The following LRGUK variants were observed in gnomAD, a reference collection of about 807,000 sequenced individuals.
LRGUK encodes the protein leucine-rich repeat and guanylate kinase domain-containing protein.
Under a neutral mutation model 76.0 loss-of-function variants are expected in LRGUK, and 65 were observed. The observed-to-expected ratio is 0.85, with a 90% CI of 0.70 to 1.05. The LOEUF is 1.05. Among genes scored for constraint, LRGUK ranks in the 50% least tolerant of loss-of-function variants. The pLI, the probability that LRGUK is intolerant of heterozygous loss-of-function variation, is 0.00. For synonymous variants in LRGUK, 268 were observed against 265.6 expected, an observed-to-expected ratio of 1.01 and a Z score of -0.09; for missense variants, 758 against 732.8, an observed-to-expected ratio of 1.03 and a Z score of -0.40.
chr7:134,239,812 C>A (rs1045193196), intron 16 of LRGUK, among the ~76,000 whole-genome samples: 2 of 152,336 alleles, frequency 1.3e-5, no homozygotes, highest in South Asian at 4.1e-4. Flanking sequence ...TAGGGGCCAA[C>A]TGACACCTCA....
chr7:134,147,533 A>G (rs73724442), intron 4 of LRGUK, among the ~76,000 whole-genome samples: 2,279 of 152,298 alleles, frequency 0.015, 65 homozygotes, highest in African/African-American at 0.052. Flanking sequence ...AGATATGCAC[A>G]GAAATGAAGT....
chr7:134,245,715 C>T (rs1443603807), intron 16 of LRGUK, among the ~76,000 whole-genome samples: 1 of 152,052 alleles, frequency 6.6e-6, no homozygotes, highest in Non-Finnish European at 1.5e-5. Flanking sequence ...GGGCGGTATA[C>T]AATGAAATCA....
At chr7:134,162,614 G>T (rs1004141434) in intron 6 of LRGUK, among the ~76,000 whole-genome samples, 1 of 152,090 alleles carries the variant, frequency 6.6e-6, no homozygotes, top group Non-Finnish European at 1.5e-5. Flanking sequence ...ATCACTTGAG[G>T]TTAGGAGTTT....
chr7:134,157,401 T>C (rs753599255), intron 5 of LRGUK, among the ~76,000 whole-genome samples: 16 of 152,216 alleles, frequency 1.1e-4, no homozygotes, highest in Non-Finnish European at 2.2e-4. Context: ...GGAACACACA[T>C]GAGTTTCTCA....
downstream of LRGUK, among the ~76,000 whole-genome samples, chr7:134,267,258 T>A (rs562430697): frequency 5.9e-5 from 9 of 152,316 alleles, no homozygotes; most frequent in South Asian, 1.9e-3. Flanking sequence ...TGAAAACCTG[T>A]CCTTTGTAAC....
At chr7:134,155,577 A>T (rs1798418471) in intron 5 of LRGUK, among the ~76,000 whole-genome samples, 1 of 152,160 alleles carries the variant, frequency 6.6e-6, no homozygotes, top group Non-Finnish European at 1.5e-5. Flanking sequence ...TTCAGGCTTA[A>T]TCCCAGCCTT....
intron 15 of LRGUK, among the ~76,000 whole-genome samples, chr7:134,205,732 G>A (rs1196789163): frequency 6.6e-6 from 1 of 151,978 alleles, no homozygotes; most frequent in Non-Finnish European, 1.5e-5. Flanking sequence ...AACTTGATTC[G>A]AGAAGTAATT....
At chr7:134,271,199 G>T in the LRGUK span, among the ~76,000 whole-genome samples, 2 of 151,680 alleles carry the variant, frequency 1.3e-5, no homozygotes, top group Non-Finnish European at 2.9e-5. Context: ...TATATATTCT[G>T]GTTAATAATT....
chr7:134,224,710 T>C (rs1048554329), intron 16 of LRGUK, among the ~76,000 whole-genome samples: 4 of 151,476 alleles, frequency 2.6e-5, no homozygotes, highest in Non-Finnish European at 4.4e-5. Flanking sequence ...AAAAAAAAAA[T>C]GTCCAATCTA....
At chr7:134,136,400 C>G (rs929482827) in intron 1 of LRGUK, among the ~76,000 whole-genome samples, 2 of 152,168 alleles carry the variant, frequency 1.3e-5, no homozygotes, top group East Asian at 1.9e-4. Context: ...CCTGTTTTCT[C>G]TACCAATCTG....
At chr7:134,202,722 A>G (rs77744204) in intron 15 of LRGUK, among the ~76,000 whole-genome samples, 3,164 of 152,328 alleles carry the variant, frequency 0.021, 100 homozygotes, top group African/African-American at 0.073. Context: ...TGATTCCACT[A>G]CATGAGGTAT....
intron 5 of LRGUK, among the ~76,000 whole-genome samples, chr7:134,149,488 G>T (rs560385074): frequency 3.9e-5 from 6 of 152,268 alleles, no homozygotes; most frequent in African/African-American, 9.6e-5. Flanking sequence ...TTTTCTTGAA[G>T]ATGTATCTTG....
chr7:134,214,177 T>C (rs182630163), downstream of LRGUK, among the ~76,000 whole-genome samples: 126 of 152,028 alleles, frequency 8.3e-4, no homozygotes, highest in African/African-American at 2.8e-3. Context: ...AATAGATATG[T>C]CAAAAAGTAT....
intron 16 of LRGUK, among the ~76,000 whole-genome samples, chr7:134,233,990 A>G (rs1175133221): frequency 1.3e-5 from 2 of 152,146 alleles, no homozygotes; most frequent in African/African-American, 4.8e-5. Context: ...GTATTTTTTT[A>G]GCTCATCAGC....
chr7:134,233,647 T>C (rs940245262), intron 16 of LRGUK, among the ~76,000 whole-genome samples: 1 of 152,214 alleles, frequency 6.6e-6, no homozygotes, highest in Non-Finnish European at 1.5e-5. Context: ...CTTAGGAATG[T>C]CTATTTTGAT....
chr7:134,136,913 C>A, intron 1 of LRGUK, 110 bp from the exon 2 acceptor site: 4 of 890,076 alleles, frequency 4.5e-6, no homozygotes, highest in Non-Finnish European at 6.9e-6. Context: ...TTTTGGAGAG[C>A]TCAGCTCCTG....
exon 1 of LRGUK, chr7:134,127,557 C>G (rs1797058524): frequency 4.3e-6 from 7 of 1,614,234 alleles, no homozygotes; most frequent in Non-Finnish European, 5.9e-6. Context: ...CCTGCTCCAG[C>G]AGCTCATGCA....
downstream of LRGUK, among the ~76,000 whole-genome samples, chr7:134,214,080 G>C (rs532270868): frequency 6.6e-6 from 1 of 152,304 alleles, no homozygotes; most frequent in African/African-American, 2.4e-5. Context: ...TATTTAAAGA[G>C]CTAAATCAGT....
intron 16 of LRGUK, among the ~76,000 whole-genome samples, chr7:134,225,392 G>GC (rs1173563114): frequency 6.6e-6 from 1 of 152,136 alleles, no homozygotes; most frequent in African/African-American, 2.4e-5. Flanking sequence ...AAACTGAGCA[G>GC]CCCCCATAAT....
Sources: allele counts gnomAD v4.1 joint callset (sites outside exome capture counted in the v4.1 genomes callset), GRCh38; gene constraint gnomAD v4.1.1; transcripts MANE v1.5; gene names NCBI Gene and HGNC (gene_info 2026-07-23, HGNC 2026-07-21).